The following OPRD1 variants were observed in gnomAD, a reference collection of about 807,000 sequenced individuals.
OPRD1 encodes the protein delta-type opioid receptor.
In OPRD1, 19 loss-of-function variants were observed where a neutral mutation model predicts 17.5. That is an observed-to-expected ratio of 1.09 (90% CI 0.76 to 1.60). OPRD1 has a LOEUF of 1.60. OPRD1 is among the 40% of genes most tolerant of loss of function. The pLI is 0.00. For synonymous variants in OPRD1, 256 were observed against 240.9 expected (o/e 1.06, Z -0.58); for missense variants, 483 against 547.2 (o/e 0.88, Z 1.17).
At chr1:28,845,428 G>A (rs2088931251) in intron 1 of OPRD1, among the ~76,000 whole-genome samples, 1 of 150,248 alleles carries the variant, frequency 6.7e-6, no homozygotes, top group Non-Finnish European at 1.5e-5. Flanking sequence ...GCAGTGAGCC[G>A]AGATTGCACC....
Position 28,864,933 on chromosome 1 carries a change from T to G in OPRD1, c.*1650T>G, listed in dbSNP as rs892638076. On this transcript the variant is annotated 3_prime_UTR_variant, in exon 3 of 3. Transcript: ENST00000234961. The stretch of plus-strand genomic sequence containing the variant: ...TATGGGGACCTGACCTTGAAGGAAC[T>G]GGGGGGAGAAGCTTTTGTAACTGCA... 1.3e-5 allele frequency: 2 copies of G among 152,142 alleles called. No homozygotes were observed. Among genetic ancestry groups the G allele is most frequent in the South Asian group, 2.1e-4 (1 of 4,804 alleles). 9.4% of individuals were successfully genotyped at this position (152,142 alleles called of 1,614,324 possible). A position where few individuals can be genotyped will look rare whatever the true frequency, so the allele number is the denominator to read the frequency against.
chr1:28,863,287 G>C lies in OPRD1; in HGVS notation c.*4G>C. ...CGGCGGTGGCGCTGCCGCCTGACCA[G>C]GCCATCCGGCCCCCAGAGCGCCCCT... On this transcript the variant is annotated 3_prime_UTR_variant, in exon 3 of 3. Coordinates refer to ENST00000234961, the MANE Select transcript of OPRD1 (RefSeq NM_000911.4). The C allele has an allele frequency of 7.0e-7, 1 of 1,425,480 alleles. No individual in the cohort carries two copies. The highest frequency in any genetic ancestry group is 2.7e-5 in the East Asian group (1 of 37,134). 88.3% of individuals were successfully genotyped at this position (1,425,480 alleles called of 1,614,324 possible).
At chr1:28,841,362 C>T (rs1186167364) in intron 1 of OPRD1, among the ~76,000 whole-genome samples, 1 of 152,242 alleles carries the variant, frequency 6.6e-6, no homozygotes, top group African/African-American at 2.4e-5. Flanking sequence ...CAAGGTTTCA[C>T]AGGTGCAGGT....
At chr1:28,835,179 T>A (rs1223020295) in intron 1 of OPRD1, among the ~76,000 whole-genome samples, 1 of 152,166 alleles carries the variant, frequency 6.6e-6, no homozygotes, top group Non-Finnish European at 1.5e-5. Context: ...GAGTCTGCGT[T>A]CTTGGGCCCC....
chr1:28,857,013 C>T (rs1184200225), intron 1 of OPRD1, among the ~76,000 whole-genome samples: 1 of 152,066 alleles, frequency 6.6e-6, no homozygotes, highest in Non-Finnish European at 1.5e-5. Flanking sequence ...CGAGGACACC[C>T]AGGGGGTCTC....
Position 28,812,496 on chromosome 1 carries a change from C to A in OPRD1, c.113C>A (p.Pro38Gln). Residue 38 changes from proline (P) to glutamine (Q), a missense_variant, in exon 1 of 3, where the codon CCA (proline) becomes CAA (glutamine). Pro to Gln is a moderately conservative substitution (Grantham distance 76). Transcript: ENST00000234961. ...PSAGANASGP[P>Q]GARSASSLAL... ...GCTGGCGCCAATGCGTCGGGGCCGC[C>A]AGGCGCGCGGAGCGCCTCGTCCCTC... 1 of 1,560,910 alleles carries A rather than the reference C, an allele frequency of 6.4e-7. No individual in the cohort carries two copies. The highest frequency in any genetic ancestry group is 1.2e-5 in the South Asian group (1 of 85,674).
At position 28,868,346 on chromosome 1, in the gene OPRD1, T is replaced by C. The variant is rs1288529279; in HGVS notation, c.*5063T>C. 1 of 152,244 alleles carries C rather than the reference T, an allele frequency of 6.6e-6. No individual in the cohort carries two copies. Among genetic ancestry groups the C allele is most frequent in the East Asian group, 1.9e-4 (1 of 5,208 alleles). The allele number at this position is 152,244 out of a possible 1,614,324, so 9.4% of individuals were successfully genotyped here. On this transcript the variant is annotated 3_prime_UTR_variant, in exon 3 of 3. Transcript: ENST00000234961. ...TAAGAGTCCTAGCTTTGCCGAATTCTTGGCCACGTGCTAGCAGTGTGATCT... is the reference window on the plus strand; with the variant it reads ...TAAGAGTCCTAGCTTTGCCGAATTCCTGGCCACGTGCTAGCAGTGTGATCT...
Position 28,822,991 on chromosome 1 carries a change from A to G in OPRD1, c.227+10381A>G, listed in dbSNP as rs2088728893. Among the ~76,000 whole-genome samples, 4 of 152,092 alleles carry G rather than the reference A, an allele frequency of 2.6e-5. No individual in the cohort carries two copies. The South Asian group carries it at 8.3e-4, about 32-fold the overall frequency. On this transcript the variant is annotated intron_variant, in intron 1 of 2. Transcript: ENST00000234961. ...AGGGATAATCGTGGGGGTAGAGCAG[A>G]AAGTCTGGCTTAAATGAACAATTTA...
At chr1:28,853,628 C>T (rs2089028810) in intron 1 of OPRD1, among the ~76,000 whole-genome samples, 1 of 152,082 alleles carries the variant, frequency 6.6e-6, no homozygotes, top group African/African-American at 2.4e-5. Context: ...CCCTGGGGAA[C>T]AGGACAGAGG....
At position 28,867,222 on chromosome 1, in the gene OPRD1, T is replaced by C. The variant is rs1219090916; in HGVS notation, c.*3939T>C. ...TATTTTGTTTGGGTTTTTTTTTTTC[T>C]GAGACAGGGTCTCCCTCTGTCGCAT... On this transcript the variant is annotated 3_prime_UTR_variant, in exon 3 of 3. Transcript: ENST00000234961. 1 of 151,244 alleles carries C rather than the reference T, an allele frequency of 6.6e-6. No individual in the cohort carries two copies. Among genetic ancestry groups the C allele is most frequent in the Non-Finnish European group, 1.5e-5 (1 of 67,870 alleles). 9.4% of individuals were successfully genotyped at this position (151,244 alleles called of 1,614,324 possible). A position where few individuals can be genotyped will look rare whatever the true frequency, so the allele number is the denominator to read the frequency against.
intron 1 of OPRD1, among the ~76,000 whole-genome samples, chr1:28,826,730 C>T (rs1266777487): frequency 1.3e-5 from 2 of 151,910 alleles, no homozygotes; most frequent in Non-Finnish European, 2.9e-5. Context: ...TAGTGGTTGC[C>T]GAAGGTTGGG....
chr1:28,837,030 T>A (rs993850807), intron 1 of OPRD1, among the ~76,000 whole-genome samples: 1 of 152,144 alleles, frequency 6.6e-6, no homozygotes, highest in African/African-American at 2.4e-5. Flanking sequence ...AATGAAATAA[T>A]TATACAACTC....
intron 1 of OPRD1, among the ~76,000 whole-genome samples, chr1:28,846,845 C>CTTTCTTTCT (rs1557575917): frequency 2.4e-4 from 14 of 58,760 alleles, no homozygotes; most frequent in African/African-American, 4.8e-4. Context: ...TTCTTTCTTT[C>CTTTCTTTCT]TTTTCTTTCT....
chr1:28,849,816 A>G (rs1228041376), intron 1 of OPRD1, among the ~76,000 whole-genome samples: 2 of 152,184 alleles, frequency 1.3e-5, no homozygotes, highest in Non-Finnish European at 2.9e-5. Flanking sequence ...GTGCTATATG[A>G]AAAAGGAATA....
chr1:28,843,512 A>G (rs914665986), intron 1 of OPRD1, among the ~76,000 whole-genome samples: 4 of 152,302 alleles, frequency 2.6e-5, no homozygotes, highest in African/African-American at 9.6e-5. Flanking sequence ...TAGGTGCCTC[A>G]TGTAAGTGGA....
intron 1 of OPRD1, among the ~76,000 whole-genome samples, chr1:28,822,550 G>A (rs571119276): frequency 5.3e-5 from 8 of 151,944 alleles, no homozygotes; most frequent in South Asian, 4.2e-4. Context: ...GCGCAATCTC[G>A]GCTCACTGCA....
At chr1:28,862,650 C>T (rs1052028770) in intron 2 of OPRD1, 92 bp from the exon 3 acceptor site, 1 of 1,282,448 alleles carries the variant, frequency 7.8e-7, no homozygotes, top group South Asian at 1.5e-5. Context: ...GTGGGACTTG[C>T]CCAAGCCTTG....
At chr1:28,841,713 T>A (rs2088898336) in intron 1 of OPRD1, among the ~76,000 whole-genome samples, 2 of 151,462 alleles carry the variant, frequency 1.3e-5, no homozygotes, top group South Asian at 2.1e-4. Flanking sequence ...TTTATTTATT[T>A]ATTATTATTA....
At chr1:28,837,131 T>C (rs1557573057) in intron 1 of OPRD1, among the ~76,000 whole-genome samples, 1 of 152,168 alleles carries the variant, frequency 6.6e-6, no homozygotes, top group Non-Finnish European at 1.5e-5. Context: ...TGACAGATCA[T>C]CAGGCACTAG....
Sources: gnomAD v4.1 joint callset for allele counts (sites outside exome capture counted in the v4.1 genomes callset) on GRCh38, gnomAD v4.1.1 for gene constraint, MANE v1.5 for transcripts, NCBI Gene and HGNC (gene_info 2026-07-23, HGNC 2026-07-21) for gene names.